The following RCAN2 variants were observed in gnomAD, a reference collection of about 807,000 sequenced individuals.
RCAN2 encodes the protein regulator of calcineurin 2.
A neutral mutation model predicts 23.6 loss-of-function variants in RCAN2; 9 were observed. The observed-to-expected ratio is 0.38, with a 90% confidence interval of 0.23 to 0.67. RCAN2 has a LOEUF of 0.67. Among genes scored for constraint, RCAN2 ranks in the 30% least tolerant of loss-of-function variants. The pLI, the probability that RCAN2 is intolerant of heterozygous loss-of-function variation, is 0.51. For synonymous variants in RCAN2, 109 were observed against 115.7 expected (o/e 0.94, Z 0.37); for missense variants, 273 against 302.3 (o/e 0.90, Z 0.72).
At position 46,246,841 on chromosome 6, in the gene RCAN2, G is replaced by T; in HGVS notation, c.478C>A (p.Pro160Thr). The T allele has an allele frequency of 6.2e-7, 1 of 1,613,044 alleles. No individual in the cohort carries two copies. Among genetic ancestry groups the T allele is most frequent in the Non-Finnish European group, 8.5e-7 (1 of 1,179,602 alleles). The change falls in exon 4 of 5, where the codon CCT becomes ACT. Residue 160 changes from proline (P) to threonine (T), a missense_variant. By Grantham distance (38) the Pro-to-Thr change is conservative. Transcript: ENST00000371374. ...QPAKQFLISP[P>T]SSPPVGWQPI... ...TGCCAGCCAACAGGTGGGGAGGAAG[G>T]GGGCGAGATGAGAAACTGTTTGGCA...
chr6:46,434,747 C>T (rs1316169579), intron 2 of RCAN2, among the ~76,000 whole-genome samples: 1 of 152,184 alleles, frequency 6.6e-6, no homozygotes, highest in Non-Finnish European at 1.5e-5. Flanking sequence ...GCCAGTGATT[C>T]TCAAGCAAGG....
In RCAN2 at chr6:46,222,562, ATATTCTGAT is replaced by A. The variant is rs1380836291; in HGVS notation, c.*570_*578del. 6.5e-6 allele frequency: 1 copy of A among 153,222 alleles called. No individual in the cohort carries two copies. Among genetic ancestry groups the A allele is most frequent in the Non-Finnish European group, 1.5e-5 (1 of 68,490 alleles). 9.5% of individuals were successfully genotyped at this position (153,222 alleles called of 1,614,324 possible). On this transcript the variant is annotated 3_prime_UTR_variant, in exon 5 of 5. Coordinates refer to ENST00000371374, the MANE Select transcript of RCAN2 (RefSeq NM_001251974.2). ...ATATACCCAGACTTGTTGAGCTGGA[ATATTCTGAT>A]CATTTTCCTAATCTAGATAGGACAT...
At chr6:46,389,551 A>C (rs1226198128) in intron 2 of RCAN2, among the ~76,000 whole-genome samples, 2 of 152,206 alleles carry the variant, frequency 1.3e-5, no homozygotes, top group Non-Finnish European at 1.5e-5. Flanking sequence ...GGGCTAGATC[A>C]TGTGCTAGTC....
At chr6:46,269,121 A>T (rs1318329845) in intron 2 of RCAN2, among the ~76,000 whole-genome samples, 1 of 152,142 alleles carries the variant, frequency 6.6e-6, no homozygotes, top group Non-Finnish European at 1.5e-5. Flanking sequence ...TCATATTTAG[A>T]TAATTTCTTC....
At chr6:46,339,659 G>A (rs576874047) in intron 2 of RCAN2, among the ~76,000 whole-genome samples, 63 of 152,208 alleles carry the variant, frequency 4.1e-4, no homozygotes, top group African/African-American at 1.3e-3. Flanking sequence ...TAAAAGCTAC[G>A]ACAGTAGCTT....
intron 1 of RCAN2, among the ~76,000 whole-genome samples, chr6:46,481,322 T>C (rs1430090772): frequency 6.6e-6 from 1 of 152,182 alleles, no homozygotes; most frequent in Non-Finnish European, 1.5e-5. Flanking sequence ...ATAAGATATA[T>C]AGGTTATCTA....
chr6:46,469,021 C>T (rs916793244), intron 1 of RCAN2, among the ~76,000 whole-genome samples: 4 of 152,168 alleles, frequency 2.6e-5, no homozygotes, highest in African/African-American at 9.7e-5. Context: ...TTATTGAAGA[C>T]GGTTTCTATC....
At chr6:46,369,408 A>C (rs1244761020) in intron 2 of RCAN2, among the ~76,000 whole-genome samples, 1 of 152,246 alleles carries the variant, frequency 6.6e-6, no homozygotes, top group Admixed American at 6.5e-5. Flanking sequence ...TATGTACTGT[A>C]CATAATTGTA....
At chr6:46,331,983 A>C (rs1763988437) in intron 2 of RCAN2, among the ~76,000 whole-genome samples, 1 of 152,212 alleles carries the variant, frequency 6.6e-6, no homozygotes, top group African/African-American at 2.4e-5. Flanking sequence ...GCAACCAGAA[A>C]GAGTTTAAGA....
intron 2 of RCAN2, among the ~76,000 whole-genome samples, chr6:46,339,680 C>T (rs1053245309): frequency 2.0e-5 from 3 of 152,204 alleles, no homozygotes; most frequent in South Asian, 2.1e-4. Flanking sequence ...CTTGACCATC[C>T]CTGCATTCAA....
In RCAN2 at chr6:46,391,418, C is replaced by T. The variant is rs1311646613; in HGVS notation, c.225+65334G>A. ...GCTAAAACTGGGGTGCTAGGAGTGA[C>T]GTGTTCAGCTCAGGGTGTTTGGGAA... On this transcript the variant is annotated intron_variant, in intron 2 of 4. Transcript: ENST00000371374. Among the ~76,000 whole-genome samples the T allele has an allele frequency of 5.3e-5, 8 of 152,048 alleles. No individual in the cohort carries two copies. The East Asian group carries it at 7.7e-4, about 15-fold the overall frequency.
At chr6:46,461,813 C>T (rs551759270) in intron 1 of RCAN2, among the ~76,000 whole-genome samples, 4 of 152,126 alleles carry the variant, frequency 2.6e-5, no homozygotes, top group Admixed American at 1.3e-4. Context: ...CTCGAACTCC[C>T]GACCTCAGGT....
chr6:46,419,857 G>A (rs1017838390), intron 2 of RCAN2, among the ~76,000 whole-genome samples: 10 of 152,080 alleles, frequency 6.6e-5, no homozygotes, highest in African/African-American at 2.2e-4. Flanking sequence ...TTTATTCTTC[G>A]TGTTGGCAAA....
chr6:46,465,872 G>A (rs1405152354), intron 1 of RCAN2, among the ~76,000 whole-genome samples: 1 of 152,184 alleles, frequency 6.6e-6, no homozygotes, highest in Non-Finnish European at 1.5e-5. Context: ...AATTTTATAG[G>A]TTAATTTCAA....
At chr6:46,474,345 G>A (rs1180755094) in intron 1 of RCAN2, among the ~76,000 whole-genome samples, 1 of 152,056 alleles carries the variant, frequency 6.6e-6, no homozygotes, top group African/African-American at 2.4e-5. Context: ...AGGCGGTGGG[G>A]AGGCAGGGGG....
At chr6:46,236,331 T>A (rs1349078908) in intron 4 of RCAN2, among the ~76,000 whole-genome samples, 1 of 152,166 alleles carries the variant, frequency 6.6e-6, no homozygotes, top group African/African-American at 2.4e-5. Context: ...TTCTCTGTCA[T>A]CACTGGCAAT....
rs149784980 is a variant in RCAN2, at chr6:46,277,409, A to T, written c.226-28513T>A. On this transcript the variant is annotated intron_variant, in intron 2 of 4. Transcript: ENST00000371374. ...CAAACTAAGACACATTTCAGTGTAAAAGAAGGTGTTGATAATTATGGTAGG... is the reference window on the plus strand; with the variant it reads ...CAAACTAAGACACATTTCAGTGTAATAGAAGGTGTTGATAATTATGGTAGG... Among the ~76,000 whole-genome samples, 1,004 of 152,308 alleles carry T rather than the reference A, an allele frequency of 6.6e-3. 33 individuals are homozygous for T. The highest frequency in any genetic ancestry group is 0.057 in the Admixed American group (870 of 15,292).
At chr6:46,480,974 T>A (rs1193050084) in intron 1 of RCAN2, among the ~76,000 whole-genome samples, 1 of 152,248 alleles carries the variant, frequency 6.6e-6, no homozygotes, top group Non-Finnish European at 1.5e-5. Context: ...TTTAAAGACA[T>A]TTGAAGGTGT....
At chr6:46,417,360 G>T (rs1448533211) in intron 2 of RCAN2, among the ~76,000 whole-genome samples, 1 of 152,112 alleles carries the variant, frequency 6.6e-6, no homozygotes, top group Non-Finnish European at 1.5e-5. Context: ...GAGCTCTCAC[G>T]TAAGATTTAT....
Sources: gnomAD v4.1 joint callset for allele counts (sites outside exome capture counted in the v4.1 genomes callset) on GRCh38, gnomAD v4.1.1 for gene constraint, MANE v1.5 for transcripts, NCBI Gene and HGNC (gene_info 2026-07-23, HGNC 2026-07-21) for gene names.